The following C1QTNF3 variants were observed in gnomAD, a reference collection of about 807,000 sequenced individuals.
C1QTNF3 encodes the protein C1q and TNF related 3.
A neutral mutation model predicts 32.6 loss-of-function variants in C1QTNF3; 26 were observed. The ratio of observed to expected loss-of-function variants is 0.80; its 90% CI spans 0.58 to 1.11. C1QTNF3 has a LOEUF of 1.11. Ranked by LOEUF, C1QTNF3 falls within the 50% of genes least tolerant of loss-of-function variation. The pLI, the probability that C1QTNF3 is intolerant of heterozygous loss-of-function variation, is 0.00. For missense variants in C1QTNF3, 362 were observed against 398.2 expected (o/e 0.91, Z 0.77); for synonymous variants, 155 against 146.0 (o/e 1.06, Z -0.44).
At chr5:34,081,763 G>A in the C1QTNF3 span, among the ~76,000 whole-genome samples, 4 of 151,436 alleles carry the variant, frequency 2.6e-5, no homozygotes, top group African/African-American at 7.3e-5. Flanking sequence ...ATAATGATAA[G>A]TCATGCATTT....
chr5:34,053,645 G>C, the C1QTNF3 span, among the ~76,000 whole-genome samples: 4 of 152,308 alleles, frequency 2.6e-5, no homozygotes, highest in South Asian at 8.3e-4. Flanking sequence ...AGCAATAACA[G>C]TACAACAGGA....
chr5:34,042,760 A>T, intron 1 of C1QTNF3, 63 bp downstream of exon 1: 1 of 1,481,284 alleles, frequency 6.8e-7, no homozygotes, highest in Non-Finnish European at 9.1e-7. Context: ...GAACAACAAC[A>T]AAACAACAAC....
chr5:34,231,521 A>G, the C1QTNF3 span, among the ~76,000 whole-genome samples: 1 of 152,210 alleles, frequency 6.6e-6, no homozygotes, highest in Non-Finnish European at 1.5e-5. Flanking sequence ...ATGTCTCTTT[A>G]AACAAGCACA....
At position 34,018,094 on chromosome 5, in the gene C1QTNF3, T is replaced by C. The variant is rs2112088749; in HGVS notation, c.*2489A>G. On this transcript the variant is annotated 3_prime_UTR_variant, in exon 6 of 6. Coordinates refer to ENST00000382065, the MANE Select transcript of C1QTNF3 (RefSeq NM_181435.6). ...AGCTAATTTCAAATTATTTTATTAC[T>C]ATATTTAAAAATAAAAGCCATAAAT... Among the ~76,000 whole-genome samples, 1 of 151,966 alleles carries C rather than the reference T, an allele frequency of 6.6e-6. No individual in the cohort carries two copies. The highest frequency in any genetic ancestry group is 2.4e-5 in the African/African-American group (1 of 41,560).
intron 1 of C1QTNF3, among the ~76,000 whole-genome samples, chr5:34,038,944 C>T (rs577510624): frequency 5.9e-5 from 9 of 152,214 alleles, no homozygotes; most frequent in African/African-American, 1.7e-4. Flanking sequence ...CAGCCAGTGC[C>T]GGGTAAAGGC....
chr5:34,044,027 C>T (rs1754938110), upstream of C1QTNF3, among the ~76,000 whole-genome samples: 2 of 152,102 alleles, frequency 1.3e-5, no homozygotes, highest in Non-Finnish European at 1.5e-5. Context: ...CCCTTGAGCC[C>T]AGAAATTCGA....
In C1QTNF3 at chr5:34,035,645, A is replaced by C; in HGVS notation, c.415+2T>G. On this transcript the variant is annotated splice_donor_variant, in intron 2 of 5. Coordinates refer to ENST00000382065, the MANE Select transcript of C1QTNF3 (RefSeq NM_181435.6). LOFTEE classifies it high-confidence loss of function. ...TTGACAGTATGTCTTGCTCATCCTT[A>C]CCTGGAATGCCAGGAGGGCCCGGTG... 6.2e-7 allele frequency: 1 copy of C among 1,601,756 alleles called. No homozygotes were observed.
the C1QTNF3 span, chr5:34,166,976 CT>C: frequency 6.6e-5 from 10 of 152,174 alleles, no homozygotes; most frequent in African/African-American, 2.2e-4. Flanking sequence ...AACAATATTT[CT>C]TTGTGCTCAA....
chr5:34,125,958 A>G, the C1QTNF3 span, among the ~76,000 whole-genome samples: 9 of 152,198 alleles, frequency 5.9e-5, no homozygotes, highest in African/African-American at 2.2e-4. Flanking sequence ...TCAGGTGTAT[A>G]AGAGGGAATT....
chr5:34,064,683 A>G, the C1QTNF3 span, among the ~76,000 whole-genome samples: 3 of 152,170 alleles, frequency 2.0e-5, no homozygotes, highest in African/African-American at 7.2e-5. Context: ...GGCAAACAGC[A>G]GTGGTGGATG....
chr5:34,213,422 A>C, the C1QTNF3 span, among the ~76,000 whole-genome samples: 17 of 152,096 alleles, frequency 1.1e-4, no homozygotes, highest in African/African-American at 4.1e-4. Flanking sequence ...AAAAGAGATT[A>C]ATAATAAATT....
At chr5:34,159,405 G>A in the C1QTNF3 span, among the ~76,000 whole-genome samples, 6 of 151,858 alleles carry the variant, frequency 4.0e-5, no homozygotes, top group African/African-American at 1.2e-4. Flanking sequence ...GCAAATAAGT[G>A]ATTAAAATAA....
At chr5:34,100,634 T>C in the C1QTNF3 span, among the ~76,000 whole-genome samples, 9 of 149,234 alleles carry the variant, frequency 6.0e-5, no homozygotes, top group Non-Finnish European at 1.0e-4. Context: ...GTTAATCTAT[T>C]ATGTTACTAT....
At chr5:34,197,458 GTCAA>G in the C1QTNF3 span, among the ~76,000 whole-genome samples, 1 of 152,126 alleles carries the variant, frequency 6.6e-6, no homozygotes, top group Non-Finnish European at 1.5e-5. Context: ...AGTTTTTACG[GTCAA>G]TCAATGGTAA....
At chr5:34,138,064 G>A in the C1QTNF3 span, among the ~76,000 whole-genome samples, 10 of 152,162 alleles carry the variant, frequency 6.6e-5, no homozygotes, top group East Asian at 1.2e-3. Flanking sequence ...AGACAATCAC[G>A]TGAACACACA....
the C1QTNF3 span, among the ~76,000 whole-genome samples, chr5:34,231,077 C>T: frequency 7.2e-5 from 11 of 152,108 alleles, no homozygotes; most frequent in South Asian, 4.1e-4. Context: ...GAAAAATCTT[C>T]CTCTCACTCT....
At chr5:34,168,136 C>T in the C1QTNF3 span, 2 of 151,982 alleles carry the variant, frequency 1.3e-5, no homozygotes, top group African/African-American at 4.8e-5. Flanking sequence ...ATTCTGTAAA[C>T]AGTATTAATA....
the C1QTNF3 span, among the ~76,000 whole-genome samples, chr5:34,103,337 C>T: frequency 6.6e-3 from 1,004 of 151,644 alleles, 9 homozygotes; most frequent in Middle Eastern, 0.024. Context: ...TGCTCTGTCT[C>T]CCAGGCTGGA....
the C1QTNF3 span, among the ~76,000 whole-genome samples, chr5:34,123,394 A>C: frequency 3.9e-5 from 6 of 152,152 alleles, no homozygotes; most frequent in Non-Finnish European, 8.8e-5. Flanking sequence ...ATATACATAT[A>C]AATAATATCA....
Sources: allele counts gnomAD v4.1 joint callset (sites outside exome capture counted in the v4.1 genomes callset), GRCh38; gene constraint gnomAD v4.1.1; transcripts MANE v1.5; gene names NCBI Gene and HGNC (gene_info 2026-07-23, HGNC 2026-07-21).